The following SCN11A variants were observed in gnomAD, a reference collection of about 807,000 sequenced individuals.
SCN11A encodes the protein sodium channel protein type 11 subunit alpha.
Under a neutral mutation model 162.2 loss-of-function variants are expected in SCN11A, and 122 were observed. That is an observed-to-expected ratio of 0.75 (90% CI 0.65 to 0.87). SCN11A has a LOEUF of 0.87. SCN11A is among the 40% of genes least tolerant of loss of function. SCN11A has a pLI of 0.00. For synonymous variants in SCN11A, 758 were observed against 751.5 expected (o/e 1.01, Z -0.14); for missense variants, 2,015 against 2,181.6 (o/e 0.92, Z 1.52).
intron 1 of SCN11A, among the ~76,000 whole-genome samples, 138 bp from the exon 2 acceptor site, chr3:39,032,641 C>T (rs2031789713): frequency 6.6e-6 from 1 of 152,074 alleles, no homozygotes; most frequent in African/African-American, 2.4e-5. Flanking sequence ...GTGATAGAGC[C>T]TGTATTACAT....
Position 38,847,591 on chromosome 3 carries a change from C to G in SCN11A, c.4479G>C (p.Ser1493=), listed in dbSNP as rs201757165. The G allele has an allele frequency of 5.0e-6, 8 of 1,613,938 alleles. No homozygotes were observed. Among genetic ancestry groups the G allele is most frequent in the Non-Finnish European group, 6.8e-6 (8 of 1,180,014 alleles). Residue 1493 remains serine, a synonymous_variant, in exon 30 of 30, where the codon TCG becomes TCC. Transcript: ENST00000302328. ...IRTLLFALMM[S]LPSLFNIGLL... ...GACCAATGTTGAACAGAGAAGGAAG[C>G]GACATCATCAGAGCAAAGAGGAGAG...
Position 38,953,641 on chromosome 3 carries a change from C to T in SCN11A, c.-20G>A, listed in dbSNP as rs1026212313. On this transcript the variant is annotated 5_prime_UTR_variant, in exon 4 of 30. Coordinates refer to ENST00000302328, the MANE Select transcript of SCN11A (RefSeq NM_001349253.2). ...GGATGGTCCTTACCGAGATTCCTGG[C>T]TTGAGCAGATGAGAGGACAGTGTGG... 2.0e-5 allele frequency among the ~76,000 whole-genome samples: 3 copies of T among 152,012 alleles called. No individual in the cohort carries two copies. Among genetic ancestry groups the T allele is most frequent in the Non-Finnish European group, 4.4e-5 (3 of 68,014 alleles).
chr3:38,851,221 C>T (rs2064773674), intron 28 of SCN11A, among the ~76,000 whole-genome samples: 1 of 152,152 alleles, frequency 6.6e-6, no homozygotes, highest in East Asian at 1.9e-4. Context: ...TTCAATGCTC[C>T]ATTTGCCAAT....
At chr3:38,982,043 A>C (rs928267640) in intron 2 of SCN11A, among the ~76,000 whole-genome samples, 2 of 151,984 alleles carry the variant, frequency 1.3e-5, no homozygotes, top group African/African-American at 4.8e-5. Flanking sequence ...AAGCAAAAAG[A>C]AAAAAACAAA....
chr3:39,004,563 T>C (rs1206776876), intron 2 of SCN11A, among the ~76,000 whole-genome samples: 2 of 152,226 alleles, frequency 1.3e-5, no homozygotes, highest in Non-Finnish European at 2.9e-5. Context: ...GTGAAGAATG[T>C]AATTGGTAGT....
intron 26 of SCN11A, 46 bp downstream of exon 26, chr3:38,870,645 C>G (rs2065110590): frequency 6.5e-7 from 1 of 1,530,062 alleles, no homozygotes; most frequent in Admixed American, 1.7e-5. Context: ...CATGATATCT[C>G]TGACTTGACC....
At chr3:38,910,829 T>C (rs1334441648) in intron 11 of SCN11A, among the ~76,000 whole-genome samples, 1 of 152,234 alleles carries the variant, frequency 6.6e-6, no homozygotes, top group Non-Finnish European at 1.5e-5. Flanking sequence ...AATGAATATC[T>C]TTGAACATAG....
chr3:38,875,140 T>C (rs953266431), intron 23 of SCN11A, among the ~76,000 whole-genome samples: 1 of 152,288 alleles, frequency 6.6e-6, no homozygotes, highest in South Asian at 2.1e-4. Flanking sequence ...AGTGGTGAAT[T>C]TCAGATTCAC....
chr3:38,986,645 T>TTGC (rs1279568969), intron 2 of SCN11A, among the ~76,000 whole-genome samples: 8 of 152,124 alleles, frequency 5.3e-5, no homozygotes, highest in Admixed American at 5.2e-4. Context: ...TGTGTTGTTG[T>TTGC]TGTTGTTGTT....
intron 7 of SCN11A, among the ~76,000 whole-genome samples, chr3:38,933,245 A>G (rs1376580400): frequency 6.6e-6 from 1 of 152,184 alleles, no homozygotes; most frequent in Non-Finnish European, 1.5e-5. Context: ...ATCAAAGACC[A>G]AAAGTAGGTA....
intron 17 of SCN11A, among the ~76,000 whole-genome samples, chr3:38,898,431 C>T (rs1488401657): frequency 2.6e-5 from 4 of 152,208 alleles, no homozygotes; most frequent in South Asian, 2.1e-4. Context: ...GCCTGTAAGG[C>T]TGAAAACATT....
At position 38,926,684 on chromosome 3, in the gene SCN11A, C is replaced by A. The variant is rs959093844; in HGVS notation, c.617+119G>T. The A allele has an allele frequency of 9.7e-6, 10 of 1,032,420 alleles. No individual in the cohort carries two copies. The African/African-American group carries it at 1.6e-4, about 17-fold the overall frequency. The allele number at this position is 1,032,420 out of a possible 1,614,324, so 64.0% of individuals were successfully genotyped here. A position where few individuals can be genotyped will look rare whatever the true frequency, so the allele number is the denominator to read the frequency against. On this transcript the variant is annotated intron_variant, in intron 8 of 29. Coordinates refer to ENST00000302328, the MANE Select transcript of SCN11A (RefSeq NM_001349253.2). ...GGGCCAACCAACACAGCACTCAGAG[C>A]TCTAGGCATTACTAGGCCATACTCA...
intron 29 of SCN11A, chr3:38,849,254 GC>G (rs1294128093): frequency 3.5e-5 from 3 of 86,492 alleles, no homozygotes; most frequent in African/African-American, 5.6e-5. Context: ...CCATTTTCTA[GC>G]CCTTTTTTTT....
chr3:38,847,405 G>C lies in SCN11A; in HGVS notation c.4665C>G (p.Ser1555=), dbSNP rs377350295. 28 of 1,614,050 alleles carry C rather than the reference G, an allele frequency of 1.7e-5. No homozygotes were observed. In the African/African-American group the frequency reaches 3.3e-4, roughly 19 times the overall value. The change falls in exon 30 of 30, where the codon TCC becomes TCG. Residue 1555 remains serine (S), a synonymous_variant. Transcript: ENST00000302328. ...TTGATCGCAGCATGGGGCTGAGCAG[G>C]GAATCCCAACCTGCTGATGTGCTTA... ...FQISTSAGWD[S]LLSPMLRSKE...
At chr3:39,004,103 T>C (rs1032190374) in intron 2 of SCN11A, among the ~76,000 whole-genome samples, 1 of 152,212 alleles carries the variant, frequency 6.6e-6, no homozygotes. Context: ...CCTATTCCTA[T>C]GTCCAGGATG....
chr3:39,029,861 T>C (rs756396348), intron 2 of SCN11A, among the ~76,000 whole-genome samples: 2 of 152,224 alleles, frequency 1.3e-5, no homozygotes, highest in Non-Finnish European at 2.9e-5. Flanking sequence ...TGAAGGTGCT[T>C]AGAGACATAA....
chr3:38,970,493 A>G lies in SCN11A; in HGVS notation c.-279-10070T>C, dbSNP rs141097766. Among the ~76,000 whole-genome samples the G allele has an allele frequency of 3.9e-5, 6 of 152,362 alleles. No individual in the cohort carries two copies. The East Asian group carries it at 1.2e-3, about 29-fold the overall frequency. ...TCTCTTTTAGTTTGCTGTCAATTTT[A>G]TATTTAATCTTAGAAATTAAAAATA... On this transcript the variant is annotated intron_variant, in intron 2 of 29. Coordinates refer to ENST00000302328, the MANE Select transcript of SCN11A (RefSeq NM_001349253.2).
chr3:38,861,556 T>C (rs1370132228), intron 28 of SCN11A, among the ~76,000 whole-genome samples: 1 of 152,042 alleles, frequency 6.6e-6, no homozygotes, highest in Non-Finnish European at 1.5e-5. Context: ...TGTAGACCAA[T>C]GGAACAGAAT....
chr3:38,980,994 C>T (rs2030017048), intron 2 of SCN11A, among the ~76,000 whole-genome samples: 3 of 152,162 alleles, frequency 2.0e-5, no homozygotes, highest in Admixed American at 6.5e-5. Flanking sequence ...GGGTGAGATA[C>T]CACAGAACAC....
Sources: allele counts gnomAD v4.1 joint callset (sites outside exome capture counted in the v4.1 genomes callset), GRCh38; gene constraint gnomAD v4.1.1; transcripts MANE v1.5; gene names NCBI Gene and HGNC (gene_info 2026-07-23, HGNC 2026-07-21).